TAFA1: variants seen among roughly 807,000 people sequenced by gnomAD.
TAFA1 encodes chemokine-like protein TAFA-1.
TAFA1 carries 4 observed loss-of-function variants against 18.5 expected under a neutral mutation model. The observed-to-expected ratio is 0.22, with a 90% CI of 0.11 to 0.49. The LOEUF is 0.49. TAFA1 is among the 20% of genes least tolerant of loss of function. TAFA1 has a pLI of 0.98. For missense variants in TAFA1, 147 were observed against 169.0 expected (o/e 0.87, Z 0.72); for synonymous variants, 56 against 55.2 (o/e 1.01, Z -0.06).
intron 2 of TAFA1, among the ~76,000 whole-genome samples, chr3:68,275,744 T>C (rs2067783460): frequency 6.6e-6 from 1 of 151,864 alleles, no homozygotes; most frequent in Admixed American, 6.6e-5. Flanking sequence ...TTAGAGTAAA[T>C]AGGGCAAAAA....
rs371773606 is a variant in TAFA1 at position 68,196,380 on chromosome 3, C to A, written c.118+189636C>A. On this transcript the variant is annotated intron_variant, in intron 2 of 4. Transcript: ENST00000478136. ...CCAAATACTGACCAAATGTAGCAAT[C>A]AATCAATCAATCTATCTATCTATAA... 3.3e-5 allele frequency among the ~76,000 whole-genome samples: 5 copies of A among 151,860 alleles called. No homozygotes were observed. In the East Asian group the frequency reaches 7.8e-4, roughly 24 times the overall value.
At chr3:68,435,140 A>T (rs2106848462) in intron 3 of TAFA1, among the ~76,000 whole-genome samples, 1 of 152,226 alleles carries the variant, frequency 6.6e-6, no homozygotes, top group East Asian at 1.9e-4. Flanking sequence ...ATGGCTTCTC[A>T]TCAGAACTAA....
At chr3:68,089,844 G>A (rs2065011575) in intron 2 of TAFA1, among the ~76,000 whole-genome samples, 1 of 152,118 alleles carries the variant, frequency 6.6e-6, no homozygotes, top group Non-Finnish European at 1.5e-5. Flanking sequence ...ATATTAAAGG[G>A]ACAAATGTAA....
At chr3:68,183,506 T>TAAAGA (rs1162449520) in intron 2 of TAFA1, among the ~76,000 whole-genome samples, 1 of 152,174 alleles carries the variant, frequency 6.6e-6, no homozygotes, top group Non-Finnish European at 1.5e-5. Flanking sequence ...TTTGATGCAA[T>TAAAGA]AAAGACTTTG....
intron 2 of TAFA1, among the ~76,000 whole-genome samples, chr3:68,182,086 G>T (rs1210860965): frequency 6.6e-6 from 1 of 152,090 alleles, no homozygotes; most frequent in East Asian, 1.9e-4. Flanking sequence ...GCACACGCTT[G>T]CAGTCTTAGC....
At position 68,232,254 on chromosome 3, in the gene TAFA1, C is replaced by G. The variant is rs139199036; in HGVS notation, c.119-185026C>G. ...TCACAAGCCTCTAATAACCACAATT[C>G]TACTCTCTACTTTTATATGCTCAAC... On this transcript the variant is annotated intron_variant, in intron 2 of 4. Transcript: ENST00000478136. Among the ~76,000 whole-genome samples, 600 of 152,264 alleles carry G rather than the reference C, an allele frequency of 3.9e-3. 4 individuals carry two copies. Among genetic ancestry groups the G allele is most frequent in the African/African-American group, 0.014 (577 of 41,548 alleles).
intron 2 of TAFA1, among the ~76,000 whole-genome samples, chr3:68,265,057 C>T (rs1451315904): frequency 1.3e-5 from 2 of 152,222 alleles, no homozygotes; most frequent in South Asian, 4.1e-4. Context: ...AACTCATATA[C>T]AATTTTGCTG....
At chr3:68,382,752 T>C (rs1164390942) in intron 2 of TAFA1, among the ~76,000 whole-genome samples, 2 of 152,178 alleles carry the variant, frequency 1.3e-5, no homozygotes, top group African/African-American at 4.8e-5. Flanking sequence ...AGAATGTCAT[T>C]GGTAGTTTAA....
At position 68,097,826 on chromosome 3, in the gene TAFA1, T is replaced by C. The variant is rs147149932; in HGVS notation, c.118+91082T>C. Among the ~76,000 whole-genome samples the C allele has an allele frequency of 1.6e-3, 241 of 152,270 alleles. 2 individuals carry two copies. The East Asian group carries it at 0.027, about 17-fold the overall frequency. On this transcript the variant is annotated intron_variant, in intron 2 of 4. Coordinates refer to ENST00000478136, the MANE Select transcript of TAFA1 (RefSeq NM_213609.4). ...AATGTACAGTGCTGGACTGATTTCC[T>C]GCAGGGAAGGGAATAAAGAGTTGAG... is the stretch of plus-strand genomic sequence containing the variant.
intron 2 of TAFA1, among the ~76,000 whole-genome samples, chr3:68,349,759 G>A (rs1559628636): frequency 2.0e-5 from 3 of 152,174 alleles, no homozygotes; most frequent in South Asian, 4.1e-4. Flanking sequence ...GTAAAAGCAA[G>A]CAGGGGATCA....
chr3:68,241,818 C>T lies in TAFA1; in HGVS notation c.119-175462C>T, dbSNP rs532992664. On this transcript the variant is annotated intron_variant, in intron 2 of 4. Coordinates refer to ENST00000478136, the MANE Select transcript of TAFA1 (RefSeq NM_213609.4). ...ATTTTTCATCCGCCATGGATGAAAA[C>T]CCAAAAAGTCCATTTCACTTTGGAG... Among the ~76,000 whole-genome samples the T allele has an allele frequency of 2.6e-5, 4 of 152,274 alleles. No individual in the cohort carries two copies. In the South Asian group the frequency reaches 8.3e-4, roughly 32 times the overall value.
intron 2 of TAFA1, among the ~76,000 whole-genome samples, chr3:68,057,463 G>A (rs1039231056): frequency 1.3e-5 from 2 of 152,126 alleles, no homozygotes; most frequent in East Asian, 1.9e-4. Context: ...TTCATCTCAG[G>A]AAATGTGCTA....
intron 2 of TAFA1, among the ~76,000 whole-genome samples, chr3:68,309,076 C>T (rs1355970792): frequency 7.9e-5 from 12 of 152,108 alleles, no homozygotes; most frequent in Admixed American, 7.9e-4. Flanking sequence ...AATTCTTCCT[C>T]ATCACTTATA....
At chr3:68,206,039 T>C (rs1016263505) in intron 2 of TAFA1, among the ~76,000 whole-genome samples, 4 of 151,870 alleles carry the variant, frequency 2.6e-5, no homozygotes, top group African/African-American at 9.7e-5. Flanking sequence ...ATGTGGAGAT[T>C]AAAATGATTT....
At chr3:68,275,711 C>CTGAA (rs2067783158) in intron 2 of TAFA1, among the ~76,000 whole-genome samples, 1 of 152,008 alleles carries the variant, frequency 6.6e-6, no homozygotes, top group Non-Finnish European at 1.5e-5. Context: ...GAGAAGAGAT[C>CTGAA]TGAAGAAAGA....
chr3:68,323,953 AG>A (rs2068734274), intron 2 of TAFA1, among the ~76,000 whole-genome samples: 1 of 152,160 alleles, frequency 6.6e-6, no homozygotes, highest in Non-Finnish European at 1.5e-5. Flanking sequence ...TATGTCTCCA[AG>A]ACTCCAGGAA....
At chr3:68,083,629 C>G (rs1487451717) in intron 2 of TAFA1, among the ~76,000 whole-genome samples, 2 of 152,168 alleles carry the variant, frequency 1.3e-5, no homozygotes, top group Non-Finnish European at 2.9e-5. Context: ...TATTGTGGCT[C>G]ATGGGAAATG....
intron 2 of TAFA1, among the ~76,000 whole-genome samples, chr3:68,244,828 C>A (rs141179920): frequency 6.6e-6 from 1 of 152,072 alleles, no homozygotes; most frequent in African/African-American, 2.4e-5. Flanking sequence ...GAAAAAAATG[C>A]GTGCAGGGTA....
At chr3:68,472,383 C>G (rs1425242449) in intron 3 of TAFA1, among the ~76,000 whole-genome samples, 2 of 152,154 alleles carry the variant, frequency 1.3e-5, no homozygotes, top group South Asian at 2.1e-4. Flanking sequence ...GTCAATTAAG[C>G]CTCTTTCCTT....
Sources: allele counts gnomAD v4.1 joint callset (sites outside exome capture counted in the v4.1 genomes callset), GRCh38; gene constraint gnomAD v4.1.1; transcripts MANE v1.5; gene names NCBI Gene and HGNC (gene_info 2026-07-23, HGNC 2026-07-21).